DOCK10: variants seen among roughly 807,000 people sequenced by gnomAD.
DOCK10 encodes the protein dedicator of cytokinesis protein 10.
In DOCK10, 145 loss-of-function variants were observed where a neutral mutation model predicts 280.1. The ratio of observed to expected loss-of-function variants is 0.52; its 90% confidence interval spans 0.45 to 0.59. The LOEUF (loss-of-function observed/expected upper bound fraction) is 0.59. Ranked by LOEUF, DOCK10 falls within the 20% of genes least tolerant of loss-of-function variation. DOCK10 has a pLI of 0.00. For missense variants in DOCK10, 2,368 were observed against 2,651.7 expected (o/e 0.89, Z 2.35); for synonymous variants, 915 against 942.2 (o/e 0.97, Z 0.53).
At chr2:225,011,524 G>A (rs1363998230) in intron 1 of DOCK10, among the ~76,000 whole-genome samples, 2 of 152,286 alleles carry the variant, frequency 1.3e-5, no homozygotes, top group South Asian at 4.1e-4. Flanking sequence ...TATGACTTCA[G>A]GACATACATG....
chr2:224,932,949 G>C (rs1231897580), intron 1 of DOCK10, among the ~76,000 whole-genome samples: 2 of 151,902 alleles, frequency 1.3e-5, no homozygotes, highest in Non-Finnish European at 2.9e-5. Context: ...CAAAGGCAAG[G>C]GTCATCATAT....
chr2:224,821,725 T>C (rs1393879777), intron 28 of DOCK10, among the ~76,000 whole-genome samples: 2 of 152,216 alleles, frequency 1.3e-5, no homozygotes, highest in East Asian at 1.9e-4. Context: ...TCTTTCAATA[T>C]ATTTTATTTG....
chr2:225,028,937 C>T (rs2106119291), intron 1 of DOCK10, among the ~76,000 whole-genome samples: 1 of 152,324 alleles, frequency 6.6e-6, no homozygotes, highest in Middle Eastern at 3.4e-3. Context: ...ATTTAAACAT[C>T]TTTAAAGGTA....
At chr2:225,034,538 C>T (rs1350811108) in intron 1 of DOCK10, among the ~76,000 whole-genome samples, 1 of 152,156 alleles carries the variant, frequency 6.6e-6, no homozygotes, top group Non-Finnish European at 1.5e-5. Context: ...ACAACCTGGA[C>T]ATTTAAAAGT....
intron 1 of DOCK10, among the ~76,000 whole-genome samples, chr2:225,032,784 T>C (rs73997009): frequency 2.0e-4 from 31 of 152,292 alleles, no homozygotes; most frequent in African/African-American, 7.0e-4. Flanking sequence ...TCATATTTCA[T>C]TGAACAGTAA....
At chr2:224,988,716 C>G (rs1180655076) in intron 1 of DOCK10, among the ~76,000 whole-genome samples, 1 of 152,176 alleles carries the variant, frequency 6.6e-6, no homozygotes, top group African/African-American at 2.4e-5. Context: ...AACCAGCTAA[C>G]AATTGAGCAG....
At chr2:224,915,622 G>A (rs1441250606) in intron 3 of DOCK10, among the ~76,000 whole-genome samples, 2 of 152,176 alleles carry the variant, frequency 1.3e-5, no homozygotes, top group Non-Finnish European at 2.9e-5. Context: ...TATTGCTATC[G>A]TATGCAGCTT....
chr2:224,921,510 C>A (rs376193211), intron 2 of DOCK10, among the ~76,000 whole-genome samples: 2 of 151,414 alleles, frequency 1.3e-5, no homozygotes, highest in East Asian at 1.9e-4. Context: ...TATGAGACTG[C>A]GAATTAATTC....
chr2:224,792,695 G>C (rs1217264776), intron 47 of DOCK10, among the ~76,000 whole-genome samples: 1 of 152,162 alleles, frequency 6.6e-6, no homozygotes, highest in Non-Finnish European at 1.5e-5. Flanking sequence ...TGGCAGACTG[G>C]CATGCAGATT....
intron 4 of DOCK10, among the ~76,000 whole-genome samples, chr2:224,892,117 C>T (rs1486278054): frequency 6.6e-6 from 1 of 151,890 alleles, no homozygotes; most frequent in East Asian, 1.9e-4. Flanking sequence ...AAAATCAAGG[C>T]TGGGTGTAGC....
chr2:224,969,778 C>T (rs1175283590), intron 1 of DOCK10, among the ~76,000 whole-genome samples: 1 of 152,170 alleles, frequency 6.6e-6, no homozygotes, highest in African/African-American at 2.4e-5. Flanking sequence ...GAAATAAAAA[C>T]CAGAGTGGAG....
chr2:224,823,435 G>A, intron 28 of DOCK10, 66 bp downstream of exon 28: 3 of 1,381,436 alleles, frequency 2.2e-6, no homozygotes, highest in East Asian at 5.5e-5. Flanking sequence ...ACTGATGAAA[G>A]TTTAGACTAT....
At chr2:224,835,497 T>G (rs187153700) in intron 25 of DOCK10, among the ~76,000 whole-genome samples, 2 of 152,334 alleles carry the variant, frequency 1.3e-5, no homozygotes, top group East Asian at 3.9e-4. Context: ...CCACTGAACT[T>G]GAAATGGTGT....
chr2:224,984,741 A>G (rs934415886), intron 1 of DOCK10, among the ~76,000 whole-genome samples: 2 of 151,966 alleles, frequency 1.3e-5, no homozygotes, highest in African/African-American at 4.8e-5. Flanking sequence ...TCTGAGCTCT[A>G]TGTTTTACAT....
At chr2:224,836,101 G>A (rs1455080782) in intron 25 of DOCK10, among the ~76,000 whole-genome samples, 1 of 152,186 alleles carries the variant, frequency 6.6e-6, no homozygotes, top group Non-Finnish European at 1.5e-5. Context: ...CTGACATGAG[G>A]AAAATAATAT....
chr2:225,038,904 T>G (rs1237474383), intron 1 of DOCK10, among the ~76,000 whole-genome samples: 1 of 152,146 alleles, frequency 6.6e-6, no homozygotes, highest in Non-Finnish European at 1.5e-5. Flanking sequence ...AAACATTCCA[T>G]AAATAAAACT....
intron 1 of DOCK10, among the ~76,000 whole-genome samples, chr2:224,933,932 A>T (rs1183899590): frequency 1.3e-5 from 2 of 152,196 alleles, no homozygotes; most frequent in East Asian, 3.8e-4. Flanking sequence ...GGAGACAAGA[A>T]GATCTTTCAA....
intron 4 of DOCK10, among the ~76,000 whole-genome samples, chr2:224,892,171 T>A (rs1307158779): frequency 6.6e-6 from 1 of 151,612 alleles, no homozygotes; most frequent in African/African-American, 2.4e-5. Flanking sequence ...CCGAGGCTGG[T>A]GGATCGCTTG....
intron 23 of DOCK10, among the ~76,000 whole-genome samples, chr2:224,841,351 C>T (rs1234803990): frequency 5.3e-5 from 8 of 151,898 alleles, no homozygotes; most frequent in Admixed American, 5.2e-4. Context: ...ATACTGTATA[C>T]AATAAAGGTA....
Sources: allele counts gnomAD v4.1 joint callset (sites outside exome capture counted in the v4.1 genomes callset), GRCh38; gene constraint gnomAD v4.1.1; transcripts MANE v1.5; gene names NCBI Gene and HGNC (gene_info 2026-07-23, HGNC 2026-07-21).